The following FAM98C variants were observed in gnomAD, a reference collection of about 807,000 sequenced individuals.
The protein encoded by FAM98C is protein FAM98C.
A neutral mutation model predicts 41.1 loss-of-function variants in FAM98C; 38 were observed. The ratio of observed to expected loss-of-function variants is 0.92; its 90% confidence interval spans 0.71 to 1.21. The LOEUF (loss-of-function observed/expected upper bound fraction) is 1.21. Ranked by LOEUF, FAM98C falls within the 50% of genes most tolerant of loss-of-function variation. The pLI, the probability that FAM98C is intolerant of heterozygous loss-of-function variation, is 0.00. For synonymous variants in FAM98C, 195 were observed against 216.7 expected, an observed-to-expected ratio of 0.90 and a Z score of 0.88; for missense variants, 493 against 484.7, an observed-to-expected ratio of 1.02 and a Z score of -0.16.
At chr19:38,405,309 T>G (rs1317040929) in intron 4 of FAM98C, 35 bp from the exon 5 acceptor site, 1 of 1,606,922 alleles carries the variant, frequency 6.2e-7, no homozygotes, top group East Asian at 2.2e-5. Context: ...CCATCCTCTC[T>G]GCCCCAGTTG....
In FAM98C at chr19:38,403,237, A is replaced by C; in HGVS notation, c.65+19A>C. ...CTCTGGGGTAAAAGGGTGTGCGGTG[A>C]GGCTGGTGGGTGCAGGAAGGCCAGG... On this transcript the variant is annotated intron_variant, in intron 1 of 7. Coordinates refer to ENST00000252530, the MANE Select transcript of FAM98C (RefSeq NM_174905.4). 6.4e-7 allele frequency: 1 copy of C among 1,558,792 alleles called. No homozygotes were observed.
intron 6 of FAM98C, 112 bp from the exon 7 acceptor site, chr19:38,406,798 A>C: frequency 8.8e-7 from 1 of 1,142,158 alleles, no homozygotes; most frequent in South Asian, 1.4e-5. Context: ...ATAAATATTT[A>C]TTTGAGCTGT....
chr19:38,403,674 G>A lies in FAM98C; in HGVS notation c.329G>A (p.Gly110Asp). The A allele has an allele frequency of 7.1e-7, 1 of 1,415,476 alleles. No homozygotes were observed. The highest frequency in any genetic ancestry group is 9.1e-7 in the Non-Finnish European group (1 of 1,094,574). The allele number at this position is 1,415,476 out of a possible 1,614,324, so 87.7% of individuals were successfully genotyped here. Reference protein sequence around the residue: ...GDGAAALREPGAGLRLLRFLC... With the variant: ...GDGAAALREPDAGLRLLRFLC... The stretch of plus-strand genomic sequence containing the variant: ...GGCGCGGCTGCGCTTCGGGAACCCG[G>A]TGCCGGACTGCGCCTGCTGCGTGAG... The change falls in exon 3 of 8, where the codon GGT becomes GAT. Residue 110 changes from glycine (G) to aspartate (D), a missense_variant. Transcript: ENST00000252530.
chr19:38,407,967 G>C (rs1477053552), intron 7 of FAM98C: 1 of 151,816 alleles, frequency 6.6e-6, no homozygotes, highest in Non-Finnish European at 1.5e-5. Flanking sequence ...CAGCCTGGGC[G>C]ACAGAGCAAG....
chr19:38,403,836 T>G (rs56273149), intron 3 of FAM98C, 142 bp downstream of exon 3: 1 of 966,318 alleles, frequency 1.0e-6, no homozygotes, highest in Non-Finnish European at 1.3e-6. Flanking sequence ...GGGGTGAGCA[T>G]GTTGGGGCAA....
At position 38,408,584 on chromosome 19, in the gene FAM98C, C is replaced by T. The variant is rs556573984; in HGVS notation, c.919-167C>T. 25 of 795,430 alleles carry T rather than the reference C, an allele frequency of 3.1e-5. No individual in the cohort carries two copies. In the South Asian group the frequency reaches 4.0e-4, roughly 13 times the overall value. The allele number at this position is 795,430 out of a possible 1,614,324, so 49.3% of individuals were successfully genotyped here. ...AAAAAAAAGAAAAGAAAAAAGAAAG[C>T]TCATGCTAGTATCTTCCACCAGTTC... On this transcript the variant is annotated intron_variant, in intron 7 of 7. Coordinates refer to ENST00000252530, the MANE Select transcript of FAM98C (RefSeq NM_174905.4).
chr19:38,408,706 C>T (rs766115571), intron 7 of FAM98C, 45 bp from the exon 8 acceptor site: 1 of 1,613,952 alleles, frequency 6.2e-7, no homozygotes, highest in Non-Finnish European at 8.5e-7. Flanking sequence ...CCCCCTTGTC[C>T]AAGATACTTT....
In FAM98C at chr19:38,405,398, T is replaced by C. The variant is rs980278685; in HGVS notation, c.610T>C (p.Cys204Arg). ...PPGSLQPLLSCSLDAPRWEAL... is the reference protein window; with the variant it reads ...PPGSLQPLLSRSLDAPRWEAL... ...AGGGTCCCTGCAGCCCCTCCTCAGC[T>C]GCTCGCTAGATGCACCCAGATGGGT... Residue 204 changes from cysteine (C) to arginine (R), a missense_variant, in exon 5 of 8, where the codon TGC (cysteine) becomes CGC (arginine). Transcript: ENST00000252530. 6.2e-7 allele frequency: 1 copy of C among 1,614,156 alleles called. No individual in the cohort carries two copies. Among genetic ancestry groups the C allele is most frequent in the African/African-American group, 1.3e-5 (1 of 75,036 alleles).
intron 7 of FAM98C, chr19:38,407,291 A>G (rs1971054659): frequency 3.6e-6 from 2 of 556,322 alleles, no homozygotes; most frequent in Non-Finnish European, 6.4e-6. Context: ...AAGTCTAGCT[A>G]TTTACTGAGT....
In FAM98C at chr19:38,403,162, G is replaced by T. The variant is rs752530256; in HGVS notation, c.9G>T (p.Ala3=). 3 of 1,531,772 alleles carry T rather than the reference G, an allele frequency of 2.0e-6. No homozygotes were observed. The highest frequency in any genetic ancestry group is 8.7e-7 in the Non-Finnish European group (1 of 1,152,690). 94.9% of individuals were successfully genotyped at this position (1,531,772 alleles called of 1,614,324 possible). The change falls in exon 1 of 8, where the codon GCG becomes GCT. Residue 3 remains alanine, a synonymous_variant. Coordinates refer to ENST00000252530, the MANE Select transcript of FAM98C (RefSeq NM_174905.4). ...GCCGAGACCACACTTTCATGGAGGC[G>T]GTGAAGGCGGAAGCGTGGGAGGGGG... The part of the protein sequence containing the change: ME[A]VKAEAWEGAA...
At position 38,405,114 on chromosome 19, in the gene FAM98C, G is replaced by T; in HGVS notation, c.555+1G>T. The stretch of plus-strand genomic sequence containing the variant: ...GCTGCTGCAGGAGTTGCATGCTAAG[G>T]TAGAGAGTCAGAGTCCCCTCCCGAC... On this transcript the variant is annotated splice_donor_variant, in intron 4 of 7. Transcript: ENST00000252530. LOFTEE classifies it high-confidence loss of function. 1 of 1,606,770 alleles carries T rather than the reference G, an allele frequency of 6.2e-7. No homozygotes were observed. Among genetic ancestry groups the T allele is most frequent in the Non-Finnish European group, 8.5e-7 (1 of 1,174,818 alleles).
Position 38,404,904 on chromosome 19 carries a change from T to G in FAM98C, c.350-4T>G. ...AGTGCACAGCACCCATTTATTACTT[T>G]CAGGCTTTCTCTGCTCAGAGCTCCA... is the stretch of plus-strand genomic sequence containing the variant. On this transcript the variant is annotated splice_polypyrimidine_tract_variant and splice_region_variant and intron_variant, in intron 3 of 7. Coordinates refer to ENST00000252530, the MANE Select transcript of FAM98C (RefSeq NM_174905.4). 1.2e-6 allele frequency: 2 copies of G among 1,614,110 alleles called. No individual in the cohort carries two copies. The highest frequency in any genetic ancestry group is 1.1e-5 in the South Asian group (1 of 91,080).
intron 4 of FAM98C, 53 bp downstream of exon 4, chr19:38,405,166 G>T (rs1264701334): frequency 2.9e-5 from 45 of 1,568,228 alleles, no homozygotes; most frequent in Non-Finnish European, 3.8e-5. Context: ...TCCTTGTGGG[G>T]GTGGGGGTCC....
chr19:38,404,050 G>C (rs1173422018), intron 3 of FAM98C, among the ~76,000 whole-genome samples: 2 of 151,348 alleles, frequency 1.3e-5, no homozygotes, highest in African/African-American at 4.9e-5. Flanking sequence ...ACAGGCGCGC[G>C]ACACCACACT....
At position 38,404,954 on chromosome 19, in the gene FAM98C, C is replaced by T; in HGVS notation, c.396C>T (p.Arg132=). Residue 132 remains arginine, a synonymous_variant, in exon 4 of 8, where the codon CGC becomes CGT. Coordinates refer to ENST00000252530, the MANE Select transcript of FAM98C (RefSeq NM_174905.4). Reference sequence around the variant, plus strand: ...AAGCCACCCGCCTCCTGTGCCTCCGCTCTCTGCTGGATCCGAGTCCTAGGC... The same window carrying T: ...AAGCCACCCGCCTCCTGTGCCTCCGTTCTCTGCTGGATCCGAGTCCTAGGC... ...ELQATRLLCL[R]SLLDPSPRPP... 6.2e-7 allele frequency: 1 copy of T among 1,614,170 alleles called. No homozygotes were observed. Among genetic ancestry groups the T allele is most frequent in the African/African-American group, 1.3e-5 (1 of 75,022 alleles).
intron 6 of FAM98C, 40 bp from the exon 7 acceptor site, chr19:38,406,870 G>C (rs1971046454): frequency 1.3e-6 from 2 of 1,594,628 alleles, no homozygotes; most frequent in Non-Finnish European, 1.7e-6. Context: ...ACGTGGGGAA[G>C]GGCTCCAGGG....
chr19:38,405,580 T>G lies in FAM98C; in HGVS notation c.695T>G (p.Leu232Arg), dbSNP rs371195895. 3.1e-6 allele frequency: 5 copies of G among 1,614,060 alleles called. No individual in the cohort carries two copies. The African/African-American group carries it at 4.0e-5, about 13-fold the overall frequency. ...RDQYRCRRCL[L>R]LKRLDLTTSA... ...CAGTACCGCTGCCGCCGCTGCCTCC[T>G]CCTCAAGCGCCTTGACCTCACTACA... is the stretch of plus-strand genomic sequence containing the variant. Residue 232 changes from leucine to arginine, a missense_variant, in exon 6 of 8, where the codon CTC becomes CGC. Leu to Arg is a moderately radical substitution (Grantham distance 102, BLOSUM62 -2). Transcript: ENST00000252530.
At position 38,403,464 on chromosome 19, in the gene FAM98C, G is replaced by C. The variant is rs1970994657; in HGVS notation, c.192G>C (p.Ala64=). The C allele has an allele frequency of 3.6e-6, 5 of 1,404,898 alleles. No individual in the cohort carries two copies. Among genetic ancestry groups the C allele is most frequent in the Non-Finnish European group, 4.6e-6 (5 of 1,091,108 alleles). 87.0% of individuals were successfully genotyped at this position (1,404,898 alleles called of 1,614,324 possible). A position where few individuals can be genotyped will look rare whatever the true frequency, so the allele number is the denominator to read the frequency against. The change falls in exon 2 of 8, where the codon GCG becomes GCC. Residue 64 remains alanine, a synonymous_variant. Coordinates refer to ENST00000252530, the MANE Select transcript of FAM98C (RefSeq NM_174905.4). ...TCGAGCAGCAGCGAGAGGCGGGCGC[G>C]GAGGTGCTGAGCGCCGGCGACGGTA... The part of the protein sequence containing the change: ...GALEQQREAG[A]EVLSAGDGPG...
chr19:38,403,164 T>C lies in FAM98C; in HGVS notation c.11T>C (p.Val4Ala). 6.5e-7 allele frequency: 1 copy of C among 1,529,668 alleles called. No individual in the cohort carries two copies. The highest frequency in any genetic ancestry group is 8.7e-7 in the Non-Finnish European group (1 of 1,151,740). The allele number at this position is 1,529,668 out of a possible 1,614,324, so 94.8% of individuals were successfully genotyped here. A position where few individuals can be genotyped will look rare whatever the true frequency, so the allele number is the denominator to read the frequency against. MEA[V>A]KAEAWEGAAV... ...CGAGACCACACTTTCATGGAGGCGGTGAAGGCGGAAGCGTGGGAGGGGGCC... is the reference window on the plus strand; with the variant it reads ...CGAGACCACACTTTCATGGAGGCGGCGAAGGCGGAAGCGTGGGAGGGGGCC... Residue 4 changes from valine to alanine, a missense_variant, in exon 1 of 8, where the codon GTG (valine) becomes GCG (alanine). By Grantham distance (64) the Val-to-Ala change is moderately conservative (BLOSUM62 0). Coordinates refer to ENST00000252530, the MANE Select transcript of FAM98C (RefSeq NM_174905.4).
Sources: allele counts gnomAD v4.1 joint callset (sites outside exome capture counted in the v4.1 genomes callset), GRCh38; gene constraint gnomAD v4.1.1; transcripts MANE v1.5; gene names NCBI Gene and HGNC (gene_info 2026-07-23, HGNC 2026-07-21).